Variants in PPP3CA observed in about 807,000 individuals in gnomAD.
PPP3CA encodes protein phosphatase 3 catalytic subunit alpha.
Under a neutral mutation model 66.5 loss-of-function variants are expected in PPP3CA, and 14 were observed. The observed-to-expected ratio is 0.21, with a 90% CI of 0.14 to 0.33. The LOEUF (loss-of-function observed/expected upper bound fraction) is 0.33. Among genes scored for constraint, PPP3CA ranks in the 10% least tolerant of loss-of-function variants. The probability of loss-of-function intolerance (pLI) is 1.00; values close to 1 mark genes in which losing one functional copy is unlikely to be tolerated. For missense variants in PPP3CA, 317 were observed against 639.5 expected (o/e 0.50, Z 5.44); for synonymous variants, 232 against 226.2 (o/e 1.03, Z -0.23).
chr4:101,292,616 A>C (rs1246612958), intron 1 of PPP3CA, among the ~76,000 whole-genome samples: 2 of 152,226 alleles, frequency 1.3e-5, no homozygotes, highest in African/African-American at 4.8e-5. Flanking sequence ...TGAATTGAAG[A>C]GAGATTTTCT....
intron 2 of PPP3CA, among the ~76,000 whole-genome samples, chr4:101,124,739 G>GAGAAAGAAAGAA (rs1722175669): frequency 3.4e-5 from 3 of 87,380 alleles, no homozygotes; most frequent in Non-Finnish European, 4.4e-5. Flanking sequence ...AAGAAAGAAA[G>GAGAAAGAAAGAA]AAAGAAAGAA....
rs1726626222 is a variant in PPP3CA at position 101,025,932 on chromosome 4, T to TTGA, written c.1496_1498dup (p.Ile499dup). The TTGA allele has an allele frequency of 6.2e-7, 1 of 1,613,236 alleles. No individual in the cohort carries two copies. The highest frequency in any genetic ancestry group is 8.5e-7 in the Non-Finnish European group (1 of 1,179,794). On this transcript the variant is annotated inframe_insertion, in exon 14 of 14. Coordinates refer to ENST00000394854, the MANE Select transcript of PPP3CA (RefSeq NM_000944.5). The stretch of plus-strand genomic sequence containing the variant: ...GTTAGTCTCTGAGGTGAGAGCCTTG[T>TTGA]TGATGGAGTTAAGGTTGGCGTCAGA...
intron 1 of PPP3CA, among the ~76,000 whole-genome samples, chr4:101,214,279 ATGCC>A: frequency 6.8e-6 from 1 of 146,156 alleles, no homozygotes. Context: ...TAATCCTACT[ATGCC>A]TGAGTGTCCT....
chr4:101,266,535 A>C (rs17031073), intron 1 of PPP3CA, among the ~76,000 whole-genome samples: 2,006 of 152,328 alleles, frequency 0.013, 37 homozygotes, highest in African/African-American at 0.045. Flanking sequence ...AGTCTATATC[A>C]ACTGTCCATT....
At chr4:101,195,088 C>T (rs187175760) in intron 2 of PPP3CA, among the ~76,000 whole-genome samples, 73 of 152,000 alleles carry the variant, frequency 4.8e-4, no homozygotes, top group Middle Eastern at 3.4e-3. Flanking sequence ...GCCTGGCCAA[C>T]GTGGTGAAAC....
At chr4:101,231,921 C>T (rs1028046504) in intron 1 of PPP3CA, among the ~76,000 whole-genome samples, 6 of 151,642 alleles carry the variant, frequency 4.0e-5, no homozygotes, top group African/African-American at 1.5e-4. Flanking sequence ...AGTATTCATT[C>T]TCATTCCTCC....
chr4:101,101,265 G>GCTTAATGAGTCTCTGGTACAGA (rs1347796438), intron 3 of PPP3CA, among the ~76,000 whole-genome samples: 1 of 152,142 alleles, frequency 6.6e-6, no homozygotes, highest in Non-Finnish European at 1.5e-5. Context: ...TCAGTGAGTA[G>GCTTAATGAGTCTCTGGTACAGA]TCCGGTAGCT....
chr4:101,138,790 A>T (rs998344042), intron 2 of PPP3CA, among the ~76,000 whole-genome samples: 1 of 152,198 alleles, frequency 6.6e-6, no homozygotes, highest in Non-Finnish European at 1.5e-5. Context: ...AGTATTTTAC[A>T]TATGGTTACA....
chr4:101,043,600 C>T (rs563435926), intron 10 of PPP3CA, among the ~76,000 whole-genome samples: 10 of 150,936 alleles, frequency 6.6e-5, no homozygotes, highest in Non-Finnish European at 1.5e-4. Context: ...CTCGGCCGGG[C>T]GCAGTGGCTC....
intron 2 of PPP3CA, among the ~76,000 whole-genome samples, chr4:101,136,465 C>T (rs113473645): frequency 0.04 from 6,048 of 151,840 alleles, 201 homozygotes; most frequent in Middle Eastern, 0.11. Flanking sequence ...GGCTTGAACC[C>T]GGGAGGCAGA....
intron 1 of PPP3CA, among the ~76,000 whole-genome samples, chr4:101,238,965 T>C (rs1726214487): frequency 6.6e-6 from 1 of 152,070 alleles, no homozygotes; most frequent in African/African-American, 2.4e-5. Context: ...TACTACCAAG[T>C]ATAACAAATA....
At position 101,061,240 on chromosome 4, in the gene PPP3CA, C is replaced by A. The variant is rs1321441346; in HGVS notation, c.1082-79G>T. On this transcript the variant is annotated intron_variant, in intron 9 of 13. Transcript: ENST00000394854. ...CTATTACTCTGGCATTGTTAATGAG[C>A]AAACTTAGCAATAACATTTCTTATT... 4.3e-6 allele frequency: 5 copies of A among 1,160,474 alleles called. No individual in the cohort carries two copies. In the South Asian group the frequency reaches 5.1e-5, roughly 12 times the overall value. The allele number at this position is 1,160,474 out of a possible 1,614,324, so 71.9% of individuals were successfully genotyped here. A position where few individuals can be genotyped will look rare whatever the true frequency, so the allele number is the denominator to read the frequency against.
intron 11 of PPP3CA, among the ~76,000 whole-genome samples, chr4:101,037,606 T>C (rs1353639978): frequency 6.6e-6 from 1 of 152,148 alleles, no homozygotes; most frequent in Non-Finnish European, 1.5e-5. Flanking sequence ...ATTTACATTT[T>C]ATTTTATATT....
At chr4:101,303,707 G>A (rs1728450034) in intron 1 of PPP3CA, among the ~76,000 whole-genome samples, 1 of 152,164 alleles carries the variant, frequency 6.6e-6, no homozygotes, top group East Asian at 1.9e-4. Context: ...ATTCCCAGAA[G>A]TGGGATAGGA....
intron 11 of PPP3CA, among the ~76,000 whole-genome samples, chr4:101,035,400 T>C (rs1727200094): frequency 6.6e-6 from 1 of 152,342 alleles, no homozygotes; most frequent in Non-Finnish European, 1.5e-5. Flanking sequence ...CTTCTGGTAA[T>C]CTGAAGTATT....
In PPP3CA at chr4:101,164,004, G is replaced by T. The variant is rs1009782832; in HGVS notation, c.259+31912C>A. On this transcript the variant is annotated intron_variant, in intron 2 of 13. Transcript: ENST00000394854. Reference sequence around the variant, plus strand: ...TTACTTATTATTTGTTTTTAGAGACGAGGTCTTGCTCTGTCACCCAGGCTG... The same window carrying T: ...TTACTTATTATTTGTTTTTAGAGACTAGGTCTTGCTCTGTCACCCAGGCTG... Among the ~76,000 whole-genome samples the T allele has an allele frequency of 5.2e-4, 16 of 30,988 alleles. No individual in the cohort carries two copies. In the East Asian group the frequency reaches 0.013, roughly 25 times the overall value. The allele number at this position is 30,988 out of a possible 152,430, so 20.3% of individuals were successfully genotyped here.
chr4:101,117,193 C>A (rs1393738561), intron 2 of PPP3CA, among the ~76,000 whole-genome samples: 1 of 151,710 alleles, frequency 6.6e-6, no homozygotes. Context: ...TTGTAGATTA[C>A]AATAGTTATT....
intron 8 of PPP3CA, among the ~76,000 whole-genome samples, chr4:101,063,810 T>G (rs536891574): frequency 3.9e-5 from 6 of 152,046 alleles, no homozygotes; most frequent in African/African-American, 1.4e-4. Flanking sequence ...ATAGTTTAAG[T>G]TAGATTGCTT....
chr4:101,121,531 T>C (rs757674662), intron 2 of PPP3CA, among the ~76,000 whole-genome samples: 19 of 152,248 alleles, frequency 1.2e-4, no homozygotes, highest in Admixed American at 5.2e-4. Context: ...TACAGTTATA[T>C]TGTATATAAA....
Sources: gnomAD v4.1 joint callset for allele counts (sites outside exome capture counted in the v4.1 genomes callset) on GRCh38, gnomAD v4.1.1 for gene constraint, MANE v1.5 for transcripts, NCBI Gene and HGNC (gene_info 2026-07-23, HGNC 2026-07-21) for gene names.